CAST: variants seen among roughly 807,000 people sequenced by gnomAD.
CAST encodes MIR583 host.
A neutral mutation model predicts 119.6 loss-of-function variants in CAST; 76 were observed. The observed-to-expected ratio is 0.64, with a 90% CI of 0.53 to 0.77. CAST has a LOEUF of 0.77. Among genes scored for constraint, CAST ranks in the 30% least tolerant of loss-of-function variants. The pLI is 0.00. For synonymous variants in CAST, 319 were observed against 331.6 expected (o/e 0.96, Z 0.41); for missense variants, 953 against 946.5 (o/e 1.01, Z -0.09).
intron 1 of CAST, among the ~76,000 whole-genome samples, chr5:96,646,958 G>A (rs543695359): frequency 3.9e-5 from 6 of 152,188 alleles, no homozygotes; most frequent in South Asian, 2.1e-4. Flanking sequence ...TCTCTGTTGC[G>A]GACTACCAAA....
chr5:96,562,324 T>A (rs1276439658), intron 1 of CAST, among the ~76,000 whole-genome samples: 5 of 151,990 alleles, frequency 3.3e-5, no homozygotes, highest in Non-Finnish European at 7.4e-5. Flanking sequence ...ATTATCAAAA[T>A]CACATGAATA....
At chr5:96,368,537 T>G in the CAST span, among the ~76,000 whole-genome samples, 1 of 151,758 alleles carries the variant, frequency 6.6e-6, no homozygotes, top group African/African-American at 2.4e-5. Flanking sequence ...ATAGAATTAT[T>G]CTCAAACTCC....
the CAST span, among the ~76,000 whole-genome samples, chr5:96,018,624 C>A: frequency 7.2e-5 from 11 of 152,276 alleles, no homozygotes; most frequent in Non-Finnish European, 1.6e-4. Context: ...GTTTCCCCAA[C>A]ATTTCAGTAT....
chr5:96,420,525 A>G, the CAST span, among the ~76,000 whole-genome samples: 1 of 152,160 alleles, frequency 6.6e-6, no homozygotes, highest in Non-Finnish European at 1.5e-5. Flanking sequence ...AATAAATGGT[A>G]CGGAAAGAAG....
chr5:96,092,101 C>T, the CAST span, among the ~76,000 whole-genome samples: 2 of 152,208 alleles, frequency 1.3e-5, no homozygotes, highest in African/African-American at 4.8e-5. Flanking sequence ...GACACACTTA[C>T]CATTCTCATT....
At chr5:95,981,313 A>G in the CAST span, among the ~76,000 whole-genome samples, 2 of 152,324 alleles carry the variant, frequency 1.3e-5, no homozygotes, top group East Asian at 3.9e-4. Context: ...CTGGTTGTAC[A>G]CCACTGAGCA....
At chr5:95,964,100 A>G in the CAST span, among the ~76,000 whole-genome samples, 1 of 152,154 alleles carries the variant, frequency 6.6e-6, no homozygotes, top group South Asian at 2.1e-4. Flanking sequence ...TAGTGAGTTA[A>G]TGGTTGTTTG....
At chr5:96,508,059 C>T in the CAST span, among the ~76,000 whole-genome samples, 89,476 of 150,614 alleles carry the variant, frequency 0.59, 26,819 homozygotes, top group Middle Eastern at 0.66. Flanking sequence ...CAGGGTCTTG[C>T]TAAGTTGCCC....
At chr5:96,353,472 A>T in the CAST span, among the ~76,000 whole-genome samples, 1 of 152,144 alleles carries the variant, frequency 6.6e-6, no homozygotes, top group Non-Finnish European at 1.5e-5. Flanking sequence ...CTGGTAAAAC[A>T]TTGTTTCTGG....
the CAST span, among the ~76,000 whole-genome samples, chr5:96,011,643 A>G: frequency 6.6e-6 from 1 of 152,194 alleles, no homozygotes; most frequent in African/African-American, 2.4e-5. Flanking sequence ...TAGATAATGT[A>G]ACTCTGATGA....
At chr5:96,591,064 A>G (rs1746953835) in intron 1 of CAST, among the ~76,000 whole-genome samples, 1 of 152,182 alleles carries the variant, frequency 6.6e-6, no homozygotes, top group Non-Finnish European at 1.5e-5. Context: ...TCACAGAAAA[A>G]CAGAAGCATA....
the CAST span, among the ~76,000 whole-genome samples, chr5:96,000,052 T>C: frequency 3.3e-5 from 5 of 152,232 alleles, no homozygotes; most frequent in African/African-American, 1.2e-4. Context: ...TTGCATATCT[T>C]CTTTAGTGAA....
intron 1 of CAST, among the ~76,000 whole-genome samples, chr5:96,536,029 AG>A: frequency 8.5e-6 from 1 of 118,258 alleles, no homozygotes; most frequent in African/African-American, 3.2e-5. Flanking sequence ...TAAATATTTA[AG>A]GTTTTTTTTT....
At chr5:96,485,738 A>T in the CAST span, among the ~76,000 whole-genome samples, 1 of 152,112 alleles carries the variant, frequency 6.6e-6, no homozygotes, top group Non-Finnish European at 1.5e-5. Flanking sequence ...TGTTCTGGGG[A>T]GGAAGGGAGA....
chr5:96,720,763 C>A (rs1390883255), intron 3 of CAST, among the ~76,000 whole-genome samples: 1 of 152,326 alleles, frequency 6.6e-6, no homozygotes, highest in East Asian at 1.9e-4. Flanking sequence ...ACAAGGCAGG[C>A]TGGACAATTC....
chr5:96,370,596 T>C, the CAST span, among the ~76,000 whole-genome samples: 3 of 152,108 alleles, frequency 2.0e-5, no homozygotes, highest in African/African-American at 7.2e-5. Flanking sequence ...CAGCACTGAT[T>C]CACAGTAAGG....
the CAST span, among the ~76,000 whole-genome samples, chr5:96,068,113 A>G: frequency 1.3e-5 from 2 of 152,160 alleles, no homozygotes; most frequent in Admixed American, 1.3e-4. Context: ...TGGCTGGCCT[A>G]CGCTTCATAA....
the CAST span, among the ~76,000 whole-genome samples, chr5:96,012,946 A>G: frequency 6.6e-6 from 1 of 152,270 alleles, no homozygotes; most frequent in Non-Finnish European, 1.5e-5. Context: ...GATCTGAGTA[A>G]GATGCAGAGT....
At chr5:96,325,712 T>C in the CAST span, among the ~76,000 whole-genome samples, 1 of 152,070 alleles carries the variant, frequency 6.6e-6, no homozygotes, top group African/African-American at 2.4e-5. Context: ...ACTCCTAAGC[T>C]CAAATAATCT....
Sources: gnomAD v4.1 joint callset for allele counts (sites outside exome capture counted in the v4.1 genomes callset) on GRCh38, gnomAD v4.1.1 for gene constraint, MANE v1.5 for transcripts, NCBI Gene and HGNC (gene_info 2026-07-23, HGNC 2026-07-21) for gene names.